PLCH2: variants seen among roughly 807,000 people sequenced by gnomAD.
The protein encoded by PLCH2 is phospholipase C eta 2.
In PLCH2, 98 loss-of-function variants were observed where a neutral mutation model predicts 134.7. That is an observed-to-expected ratio of 0.73 (90% CI 0.62 to 0.86). The LOEUF (loss-of-function observed/expected upper bound fraction) is 0.86, where lower values mean the gene tolerates loss of function less well. Ranked by LOEUF, PLCH2 falls within the 40% of genes least tolerant of loss-of-function variation. The probability of loss-of-function intolerance (pLI) is 0.00; values close to 1 mark genes in which losing one functional copy is unlikely to be tolerated. For missense variants in PLCH2, 1,994 were observed against 1,986.6 expected (o/e 1.00, Z -0.07); for synonymous variants, 974 against 827.5 (o/e 1.18, Z -3.04).
chr1:2,429,954 G>A (rs1271814841), intron 1 of PLCH2, among the ~76,000 whole-genome samples: 10 of 152,192 alleles, frequency 6.6e-5, no homozygotes, highest in South Asian at 2.1e-4. Context: ...TCTGTAAAGC[G>A]ACTCCTGTTT....
intron 2 of PLCH2, among the ~76,000 whole-genome samples, chr1:2,459,700 G>A (rs188987051): frequency 4.6e-5 from 7 of 151,810 alleles, no homozygotes; most frequent in Non-Finnish European, 1.0e-4. Context: ...TTCCTTTCCG[G>A]TGGTCTTCCT....
At chr1:2,455,613 C>T (rs1363620678) in intron 2 of PLCH2, among the ~76,000 whole-genome samples, 2 of 152,144 alleles carry the variant, frequency 1.3e-5, no homozygotes, top group African/African-American at 2.4e-5. Context: ...TGGGGGATGC[C>T]GACGCTTGTT....
At position 2,455,572 on chromosome 1, in the gene PLCH2, C is replaced by G. The variant is rs529023184; in HGVS notation, c.116-22904C>G. ...AGACTCAGTGAGTGTGAAGGATGCT[C>G]TGTGGCCACCATAGCTGGAGCAGCT... is the stretch of plus-strand genomic sequence containing the variant. On this transcript the variant is annotated intron_variant, in intron 2 of 3. Coordinates refer to the PLCH2 transcript ENST00000609981. Among the ~76,000 whole-genome samples the G allele has an allele frequency of 1.1e-4, 17 of 152,310 alleles. No homozygotes were observed. The East Asian group carries it at 3.3e-3, about 29-fold the overall frequency.
At chr1:2,482,139 C>T (rs568841981) in intron 4 of PLCH2, among the ~76,000 whole-genome samples, 1 of 152,366 alleles carries the variant, frequency 6.6e-6, no homozygotes, top group South Asian at 2.1e-4. Context: ...GAAAAGATGC[C>T]ACGTGACTGT....
At position 2,439,145 on chromosome 1, in the gene PLCH2, G is replaced by A. The variant is rs1639572357; in HGVS notation, c.115+8516G>A. Among the ~76,000 whole-genome samples, 1 of 152,216 alleles carries A rather than the reference G, an allele frequency of 6.6e-6. No homozygotes were observed. Among genetic ancestry groups the A allele is most frequent in the South Asian group, 2.1e-4 (1 of 4,834 alleles). On this transcript the variant is annotated intron_variant, in intron 2 of 3. Coordinates refer to the PLCH2 transcript ENST00000609981. This position sits in a 1 kb window ranked among gnomAD's most constrained non-coding sequence, Gnocchi z 4.7. ...CCATGTCTCTGGGGACCCTGGGCAG[G>A]TGCCTTTCTCTCTTTGTGCCTCAGT...
At chr1:2,497,379 C>T (rs905958412) in intron 15 of PLCH2, 123 bp from the exon 16 acceptor site, 20 of 686,688 alleles carry the variant, frequency 2.9e-5, no homozygotes, top group Middle Eastern at 3.3e-4. Context: ...ATTGGGTGAA[C>T]GAGGGGCAGA....
chr1:2,487,288 C>A lies in PLCH2; in HGVS notation c.1026C>A (p.Asn342Lys). Reference sequence around the variant, plus strand: ...ACTACTTCATCACCTCGTCCCACAACACCTACCTCGTGGGTGACCAGCTCA... The same window carrying A: ...ACTACTTCATCACCTCGTCCCACAAAACCTACCTCGTGGGTGACCAGCTCA... The part of the protein sequence containing the change: ...LSHYFITSSH[N>K]TYLVGDQLMS... The change falls in exon 7 of 22, where the codon AAC becomes AAA. Residue 342 changes from asparagine to lysine, a missense_variant. Around this residue, in one of 2 missense-constraint regions of PLCH2, gnomAD observed 1,094 missense variants for 1,234.3 expected, o/e 0.89. Coordinates refer to ENST00000378486, the MANE Select transcript of PLCH2 (RefSeq NM_014638.4). 1 of 1,613,828 alleles carries A rather than the reference C, an allele frequency of 6.2e-7. No individual in the cohort carries two copies. Among genetic ancestry groups the A allele is most frequent in the Non-Finnish European group, 8.5e-7 (1 of 1,179,862 alleles).
Position 2,447,712 on chromosome 1 carries a change from G to A in PLCH2, c.115+17083G>A, listed in dbSNP as rs146456054. 3.6e-3 allele frequency among the ~76,000 whole-genome samples: 552 copies of A among 152,302 alleles called. 7 individuals carry two copies. Among genetic ancestry groups the A allele is most frequent in the African/African-American group, 0.012 (516 of 41,562 alleles). On this transcript the variant is annotated intron_variant, in intron 2 of 3. Transcript: ENST00000609981. ...GGAGACGCCTGACTGGAGCTTCAGCGGTGGTAACCTGGCCTCACTCCTCCC... is the reference window on the plus strand; with the variant it reads ...GGAGACGCCTGACTGGAGCTTCAGCAGTGGTAACCTGGCCTCACTCCTCCC...
chr1:2,503,958 C>T lies in PLCH2; in HGVS notation c.2996C>T (p.Pro999Leu), dbSNP rs1199502720. ...CTCTCCACGCAGCGGCCACTCCCCC[C>T]ACTGTGCAGCCTGGAAACCATCGCT... ...RPLSTQRPLP[P>L]LCSLETIAEE... Residue 999 changes from proline to leucine, a missense_variant, in exon 22 of 22, where the codon CCA becomes CTA. Transcript: ENST00000378486. 2.1e-6 allele frequency: 3 copies of T among 1,461,008 alleles called. No individual in the cohort carries two copies. Among genetic ancestry groups the T allele is most frequent in the Non-Finnish European group, 2.8e-6 (3 of 1,067,196 alleles). The allele number at this position is 1,461,008 out of a possible 1,614,324, so 90.5% of individuals were successfully genotyped here.
In PLCH2 at chr1:2,498,909, G is replaced by A. The variant is rs1230474679; in HGVS notation, c.2434+81G>A. 3.0e-6 allele frequency: 4 copies of A among 1,352,414 alleles called. No homozygotes were observed. The highest frequency in any genetic ancestry group is 3.1e-6 in the Non-Finnish European group (3 of 967,752). The allele number at this position is 1,352,414 out of a possible 1,614,324, so 83.8% of individuals were successfully genotyped here. A position where few individuals can be genotyped will look rare whatever the true frequency, so the allele number is the denominator to read the frequency against. ...TTGGGGCTACCTGGTGTGCCCGGGTGCCCTGCCCAGGCCTCCCTCAGTGAC... is the reference window on the plus strand; with the variant it reads ...TTGGGGCTACCTGGTGTGCCCGGGTACCCTGCCCAGGCCTCCCTCAGTGAC... On this transcript the variant is annotated intron_variant, in intron 18 of 21. Coordinates refer to ENST00000378486, the MANE Select transcript of PLCH2 (RefSeq NM_014638.4). The surrounding 1 kb of genome is among the most constrained non-coding windows in gnomAD (Gnocchi z 5.4).
chr1:2,489,063 G>A lies in PLCH2; in HGVS notation c.1236-144G>A, dbSNP rs543026431. ...GACGGGTGGGCCACCTCCCAGAGCT[G>A]CTGGTAATCCCAGCTATCCTGGGTT... is the stretch of plus-strand genomic sequence containing the variant. On this transcript the variant is annotated intron_variant, in intron 8 of 21. Transcript: ENST00000378486. The A allele has an allele frequency of 1.1e-4, 82 of 714,806 alleles. 1 individual carries two copies. In the African/African-American group the frequency reaches 1.4e-3, roughly 12 times the overall value. 44.3% of individuals were successfully genotyped at this position (714,806 alleles called of 1,614,324 possible).
At chr1:2,467,772 G>A (rs1176079476) in intron 1 of PLCH2, 4 of 398,958 alleles carry the variant, frequency 1.0e-5, no homozygotes, top group Non-Finnish European at 1.8e-5. Context: ...GTTCACTGGT[G>A]ACCCACTGAC....
chr1:2,434,921 G>A (rs578005640), intron 2 of PLCH2, among the ~76,000 whole-genome samples: 7 of 152,234 alleles, frequency 4.6e-5, no homozygotes, highest in South Asian at 2.1e-4. Context: ...AGCTGAGCCC[G>A]CACGGGAAGG....
chr1:2,505,050 T>G lies in PLCH2; in HGVS notation c.4088T>G (p.Leu1363Arg), dbSNP rs200148931. Residue 1363 changes from leucine (L) to arginine (R), a missense_variant, in exon 22 of 22, where the codon CTG becomes CGG. Transcript: ENST00000378486. ...CAGGCCCAGGAGCGGCAGCAGAGAC[T>G]GCAGGGCCTGGGCCGGCAGGGACCC... ...ARQAQERQQR[L>R]QGLGRQGPPE... 6.3e-3 allele frequency: 9,677 copies of G among 1,541,844 alleles called. 23 individuals carry two copies. The highest frequency in any genetic ancestry group is 7.3e-3 in the Non-Finnish European group (8,436 of 1,151,002).
At chr1:2,436,551 C>CCTCCTTT (rs1263512027) in intron 2 of PLCH2, among the ~76,000 whole-genome samples, 6 of 48,278 alleles carry the variant, frequency 1.2e-4, no homozygotes, top group Non-Finnish European at 1.7e-4. Flanking sequence ...CTCCTCCCTT[C>CCTCCTTT]CTCCCTCCAC....
At chr1:2,489,002 C>T (rs775160754) in intron 8 of PLCH2, among the ~76,000 whole-genome samples, 1 of 152,192 alleles carries the variant, frequency 6.6e-6, no homozygotes. Flanking sequence ...TCTCCCAGCT[C>T]CTTTCCCATC....
chr1:2,438,763 C>A (rs577628109), intron 2 of PLCH2, among the ~76,000 whole-genome samples: 1 of 152,246 alleles, frequency 6.6e-6, no homozygotes, highest in African/African-American at 2.4e-5. Flanking sequence ...GAGCACCCCC[C>A]GTCCCGCTGC....
At chr1:2,472,887 C>T (rs1641399816), upstream of PLCH2, among the ~76,000 whole-genome samples, 1 of 152,082 alleles carries the variant, frequency 6.6e-6, no homozygotes, top group Non-Finnish European at 1.5e-5. Flanking sequence ...GGCTGCGGTA[C>T]CCAAAGCTGC....
chr1:2,476,371 G>A lies in PLCH2; in HGVS notation c.-218G>A. 2 of 463,550 alleles carry A rather than the reference G, an allele frequency of 4.3e-6. No individual in the cohort carries two copies. The highest frequency in any genetic ancestry group is 3.4e-5 in the East Asian group (1 of 29,346). 28.7% of individuals were successfully genotyped at this position (463,550 alleles called of 1,614,324 possible). A position where few individuals can be genotyped will look rare whatever the true frequency, so the allele number is the denominator to read the frequency against. The stretch of plus-strand genomic sequence containing the variant: ...GGAGGGTGGATAGGCTGGCCTGGGG[G>A]CCATCAGGACAGCAGGTGACGGTCA... On this transcript the variant is annotated 5_prime_UTR_variant, in exon 1 of 22. Coordinates refer to ENST00000378486, the MANE Select transcript of PLCH2 (RefSeq NM_014638.4).
Sources: gnomAD v4.1 joint callset for allele counts (sites outside exome capture counted in the v4.1 genomes callset) on GRCh38, gnomAD v4.1.1 for gene constraint, gnomAD v4.1.1 regional missense constraint, Gnocchi (gnomAD v3.1) non-coding constraint, MANE v1.5 for transcripts, NCBI Gene and HGNC (gene_info 2026-07-23, HGNC 2026-07-21) for gene names.